The following KCNH1 variants were observed in gnomAD, a reference collection of about 807,000 sequenced individuals.
The protein encoded by KCNH1 is potassium voltage-gated channel subfamily H member 1.
A neutral mutation model predicts 69.2 loss-of-function variants in KCNH1; 27 were observed. The observed-to-expected ratio is 0.39, with a 90% confidence interval of 0.29 to 0.54. The LOEUF (loss-of-function observed/expected upper bound fraction) is 0.54. Among genes scored for constraint, KCNH1 ranks in the 20% least tolerant of loss-of-function variants. The probability of loss-of-function intolerance (pLI) is 0.68; values close to 1 mark genes in which losing one functional copy is unlikely to be tolerated. For synonymous variants in KCNH1, 456 were observed against 487.7 expected (o/e 0.93, Z 0.86); for missense variants, 798 against 1,261.6 (o/e 0.63, Z 5.57).
intron 10 of KCNH1, among the ~76,000 whole-genome samples, chr1:210,690,285 A>C (rs1459050556): frequency 6.6e-6 from 1 of 152,136 alleles, no homozygotes; most frequent in African/African-American, 2.4e-5. Context: ...TTGAGCAACC[A>C]CTGTCTGAGA....
At chr1:210,918,818 A>G (rs1041217809) in intron 7 of KCNH1, 13 of 152,226 alleles carry the variant, frequency 8.5e-5, no homozygotes, top group African/African-American at 2.2e-4. Context: ...AATTTTTCCT[A>G]GGAGCTACTT....
intron 7 of KCNH1, chr1:210,860,295 T>C (rs528681454): frequency 1.2e-4 from 160 of 1,356,216 alleles, no homozygotes; most frequent in Admixed American, 1.8e-4. Context: ...CTTGTTGACA[T>C]GTCAGGCTAT....
In KCNH1 at chr1:210,684,108, G is replaced by A. The variant is rs116424709; in HGVS notation, c.2143C>T (p.Arg715Cys). The A allele has an allele frequency of 6.0e-6, 9 of 1,512,304 alleles. No homozygotes were observed. The highest frequency in any genetic ancestry group is 4.5e-5 in the Admixed American group (2 of 44,354). 93.7% of individuals were successfully genotyped at this position (1,512,304 alleles called of 1,614,324 possible). ...CGTTTCATGCGTTCTTCCTCTTCAC[G>A]TTTCACATCGCTGATCTTCCGGAAC... is the stretch of plus-strand genomic sequence containing the variant. ...IVFRKISDVK[R>C]EEEERMKRKN... The change falls in exon 11 of 11, where the codon CGT becomes TGT. Residue 715 changes from arginine (R) to cysteine (C), a missense_variant. By Grantham distance (180) the Arg-to-Cys change is radical. Coordinates refer to ENST00000271751, the MANE Select transcript of KCNH1 (RefSeq NM_172362.3).
intron 6 of KCNH1, among the ~76,000 whole-genome samples, chr1:210,965,855 C>T (rs1476174079): frequency 1.3e-5 from 2 of 152,140 alleles, no homozygotes; most frequent in African/African-American, 4.8e-5. Context: ...CTACCATTGA[C>T]TTTCTTCACA....
chr1:210,710,942 C>T (rs1558434113), intron 10 of KCNH1, among the ~76,000 whole-genome samples: 1 of 152,212 alleles, frequency 6.6e-6, no homozygotes, highest in South Asian at 2.1e-4. Flanking sequence ...CCCTTTGCCC[C>T]ATAATCCCCA....
At chr1:211,065,736 T>C (rs1288077471) in intron 5 of KCNH1, among the ~76,000 whole-genome samples, 3 of 152,160 alleles carry the variant, frequency 2.0e-5, no homozygotes, top group Non-Finnish European at 4.4e-5. Flanking sequence ...ATGTTATACA[T>C]AATAAATATA....
intron 9 of KCNH1, among the ~76,000 whole-genome samples, chr1:210,790,516 T>G (rs1047098840): frequency 6.6e-6 from 1 of 152,214 alleles, no homozygotes; most frequent in African/African-American, 2.4e-5. Flanking sequence ...GTTGGCAGAT[T>G]TAGCAAATAA....
intron 7 of KCNH1, among the ~76,000 whole-genome samples, chr1:210,836,111 C>CA (rs776429016): frequency 0.44 from 40,605 of 93,236 alleles, 8,891 homozygotes; most frequent in East Asian, 0.66. Flanking sequence ...GTCTCCGTCT[C>CA]AAAAAAAAAA....
chr1:210,718,179 A>T lies in KCNH1; in HGVS notation c.2113-34041T>A, dbSNP rs376067593. Among the ~76,000 whole-genome samples, 48 of 146,744 alleles carry T rather than the reference A, an allele frequency of 3.3e-4. 3 individuals are homozygous for T. In the East Asian group the frequency reaches 9.6e-3, roughly 29 times the overall value. On this transcript the variant is annotated intron_variant, in intron 10 of 10. Transcript: ENST00000271751. Reference sequence around the variant, plus strand: ...TAATTTTAATGTTTTATTTAACATAATATGTCCAAAATATAATACTCAAAT... The same window carrying T: ...TAATTTTAATGTTTTATTTAACATATTATGTCCAAAATATAATACTCAAAT...
intron 5 of KCNH1, among the ~76,000 whole-genome samples, chr1:211,031,265 A>G (rs1434758859): frequency 6.6e-6 from 1 of 152,108 alleles, no homozygotes; most frequent in Non-Finnish European, 1.5e-5. Context: ...CTTATCAACC[A>G]AAAAAAGTCC....
intron 7 of KCNH1, chr1:210,859,307 G>C: frequency 6.5e-7 from 1 of 1,539,070 alleles, no homozygotes; most frequent in Non-Finnish European, 9.0e-7. Flanking sequence ...CAGAGTTACT[G>C]TGTCTGTAAC....
At chr1:211,039,777 C>A (rs1689957307) in intron 5 of KCNH1, among the ~76,000 whole-genome samples, 1 of 152,308 alleles carries the variant, frequency 6.6e-6, no homozygotes, top group Middle Eastern at 3.4e-3. Flanking sequence ...CCTGTACCCC[C>A]ACTGTGTCTA....
At chr1:211,056,293 G>A (rs977160881) in intron 5 of KCNH1, among the ~76,000 whole-genome samples, 3 of 152,140 alleles carry the variant, frequency 2.0e-5, no homozygotes. Flanking sequence ...GCCTAGGGTG[G>A]TGGTGGCTAC....
At chr1:210,832,691 A>T (rs1685187327) in intron 7 of KCNH1, among the ~76,000 whole-genome samples, 1 of 152,062 alleles carries the variant, frequency 6.6e-6, no homozygotes, top group South Asian at 2.1e-4. Flanking sequence ...AATGACATCA[A>T]TCAAAGTCAG....
chr1:211,007,089 G>A (rs1402867790), intron 6 of KCNH1, among the ~76,000 whole-genome samples: 1 of 151,986 alleles, frequency 6.6e-6, no homozygotes, highest in African/African-American at 2.4e-5. Flanking sequence ...ATGAAAAATT[G>A]GAATTAAACA....
intron 5 of KCNH1, among the ~76,000 whole-genome samples, chr1:211,024,458 G>A (rs1689647847): frequency 6.6e-6 from 1 of 152,172 alleles, no homozygotes; most frequent in African/African-American, 2.4e-5. Context: ...CACAGTGAGT[G>A]GGAGGAGGCG....
intron 6 of KCNH1, among the ~76,000 whole-genome samples, chr1:210,957,672 C>A (rs1457952927): frequency 1.3e-5 from 2 of 152,074 alleles, no homozygotes; most frequent in East Asian, 1.9e-4. Context: ...TATGAAATGG[C>A]CTTCTTTATC....
chr1:210,898,989 A>G (rs1443994652), intron 7 of KCNH1, among the ~76,000 whole-genome samples: 1 of 152,144 alleles, frequency 6.6e-6, no homozygotes, highest in Non-Finnish European at 1.5e-5. Context: ...TGGGCTCACA[A>G]TGGTTTTTAA....
chr1:210,989,122 C>A (rs952710920), intron 6 of KCNH1, among the ~76,000 whole-genome samples: 7 of 152,186 alleles, frequency 4.6e-5, no homozygotes, highest in African/African-American at 1.7e-4. Context: ...TAAGTACCTC[C>A]ATGTTCATGG....
Sources: gnomAD v4.1 joint callset for allele counts (sites outside exome capture counted in the v4.1 genomes callset) on GRCh38, gnomAD v4.1.1 for gene constraint, MANE v1.5 for transcripts, NCBI Gene and HGNC (gene_info 2026-07-23, HGNC 2026-07-21) for gene names.